Variants in CAPN1 observed in about 807,000 individuals in gnomAD.
CAPN1 encodes the protein calpain-1 catalytic subunit.
A neutral mutation model predicts 105.2 loss-of-function variants in CAPN1; 77 were observed. That is an observed-to-expected ratio of 0.73 (90% CI 0.61 to 0.88). CAPN1 has a LOEUF of 0.88. Ranked by LOEUF, CAPN1 falls within the 40% of genes least tolerant of loss-of-function variation. The probability of loss-of-function intolerance (pLI) is 0.00; values close to 1 mark genes in which losing one functional copy is unlikely to be tolerated. For synonymous variants in CAPN1, 355 were observed against 388.8 expected (o/e 0.91, Z 1.02); for missense variants, 833 against 976.6 (o/e 0.85, Z 1.96).
At position 65,208,418 on chromosome 11, in the gene CAPN1, C is replaced by A; in HGVS notation, c.1729+156C>A. 1.4e-6 allele frequency: 1 copy of A among 707,704 alleles called. No individual in the cohort carries two copies. Among genetic ancestry groups the A allele is most frequent in the Non-Finnish European group, 2.5e-6 (1 of 403,990 alleles). The allele number at this position is 707,704 out of a possible 1,614,324, so 43.8% of individuals were successfully genotyped here. ...GCCCAGTTCCCTGCCATTTCCATCC[C>A]ATACTCCTCCTCCTGACCTGCCATC... is the stretch of plus-strand genomic sequence containing the variant. On this transcript the variant is annotated intron_variant, in intron 16 of 21. Transcript: ENST00000279247. The surrounding 1 kb of genome is among the most constrained non-coding windows in gnomAD (Gnocchi z 4.1).
chr11:65,207,092 C>T (rs547382782), intron 14 of CAPN1, among the ~76,000 whole-genome samples: 1 of 152,310 alleles, frequency 6.6e-6, no homozygotes, highest in East Asian at 1.9e-4. Context: ...CTCCCCACAT[C>T]AACCCTGTCC....
intron 10 of CAPN1, among the ~76,000 whole-genome samples, chr11:65,199,037 G>C (rs1392836345): frequency 6.6e-6 from 1 of 152,150 alleles, no homozygotes; most frequent in Non-Finnish European, 1.5e-5. Flanking sequence ...GTTTCACCAT[G>C]TTGACCAGGC....
intron 6 of CAPN1, among the ~76,000 whole-genome samples, chr11:65,186,641 T>C (rs979209567): frequency 6.6e-6 from 1 of 152,088 alleles, no homozygotes; most frequent in African/African-American, 2.4e-5. Context: ...CTCTGTCCAG[T>C]TCACCAGCCT....
At chr11:65,204,519 G>A (rs1408086123) in intron 10 of CAPN1, among the ~76,000 whole-genome samples, 164 bp from the exon 11 acceptor site, 6 of 152,210 alleles carry the variant, frequency 3.9e-5, no homozygotes, top group African/African-American at 1.4e-4. Context: ...GTGAGGGCAT[G>A]GACCGAGCCT....
chr11:65,206,868 C>G (rs1948969233), intron 14 of CAPN1, 49 bp downstream of exon 14: 7 of 1,563,198 alleles, frequency 4.5e-6, no homozygotes, highest in Non-Finnish European at 6.1e-6. Context: ...TTCCTCACCC[C>G]TGGGTGTGTG....
In CAPN1 at chr11:65,188,148, G is replaced by C; in HGVS notation, c.929+108G>C. ...CAGGCTGGACTCAGGATTGAGCAGAGGGGCCCATCTTCGCGCGACTGGGTC... is the reference window on the plus strand; with the variant it reads ...CAGGCTGGACTCAGGATTGAGCAGACGGGCCCATCTTCGCGCGACTGGGTC... On this transcript the variant is annotated intron_variant, in intron 8 of 21. Transcript: ENST00000279247. This position sits in a 1 kb window ranked among gnomAD's most constrained non-coding sequence, Gnocchi z 5.5. The C allele has an allele frequency of 1.3e-6, 1 of 741,264 alleles. No homozygotes were observed. Among genetic ancestry groups the C allele is most frequent in the Non-Finnish European group, 2.2e-6 (1 of 462,194 alleles). 45.9% of individuals were successfully genotyped at this position (741,264 alleles called of 1,614,324 possible). A position where few individuals can be genotyped will look rare whatever the true frequency, so the allele number is the denominator to read the frequency against.
intron 12 of CAPN1, 41 bp from the exon 13 acceptor site, chr11:65,206,422 A>C (rs1948957927): frequency 6.5e-7 from 1 of 1,531,306 alleles, no homozygotes; most frequent in Non-Finnish European, 9.0e-7. Flanking sequence ...GGGTGGGCTG[A>C]GTGGGCAGCT....
chr11:65,182,659 T>G (rs1948556758), intron 1 of CAPN1, 42 bp from the exon 2 acceptor site: 1 of 1,473,148 alleles, frequency 6.8e-7, no homozygotes, highest in African/African-American at 1.4e-5. Flanking sequence ...GGTTCTAGTC[T>G]TGGGAAGGCC....
In CAPN1 at chr11:65,183,137, T is replaced by C; in HGVS notation, c.277T>C (p.Ser93Pro). The part of the protein sequence containing the change: ...IKWKRPTELL[S>P]NPQFIVDGAT... ...TCTGGGTCTCTCGTAGGAACTGCTG[T>C]CAAACCCCCAGTTCATTGTGGATGG... Residue 93 changes from serine (S) to proline (P), a missense_variant, in exon 3 of 22, where the codon TCA becomes CCA. Physicochemically the swap from Ser to Pro is moderately conservative, Grantham distance 74 (BLOSUM62 -1). Transcript: ENST00000279247. 2 of 1,613,848 alleles carry C rather than the reference T, an allele frequency of 1.2e-6. No homozygotes were observed. The highest frequency in any genetic ancestry group is 2.2e-5 in the South Asian group (2 of 91,082).
intron 10 of CAPN1, among the ~76,000 whole-genome samples, chr11:65,200,978 T>C (rs1948860857): frequency 8.1e-6 from 1 of 124,222 alleles, no homozygotes; most frequent in Non-Finnish European, 1.6e-5. Context: ...GGAGTCTGGC[T>C]CTGTCACCCA....
Position 65,188,933 on chromosome 11 carries a change from G to C in CAPN1, c.1165+187G>C, listed in dbSNP as rs1464110152. On this transcript the variant is annotated intron_variant, in intron 10 of 21. Coordinates refer to ENST00000279247, the MANE Select transcript of CAPN1 (RefSeq NM_005186.4). The surrounding 1 kb of genome is among the most constrained non-coding windows in gnomAD (Gnocchi z 5.5). ...AGGCATGCTTGACTCACCGTCTTGG[G>C]GCCTGAGCCCAGGGTGCTCATGAGG... Among the ~76,000 whole-genome samples, 2 of 152,148 alleles carry C rather than the reference G, an allele frequency of 1.3e-5. No homozygotes were observed. Among genetic ancestry groups the C allele is most frequent in the African/African-American group, 4.8e-5 (2 of 41,414 alleles).
intron 10 of CAPN1, among the ~76,000 whole-genome samples, chr11:65,198,393 G>A (rs1435649898): frequency 6.6e-6 from 1 of 152,018 alleles, no homozygotes; most frequent in East Asian, 1.9e-4. Context: ...CCATCCACCT[G>A]CCTCGGCCTC....
intron 10 of CAPN1, among the ~76,000 whole-genome samples, chr11:65,202,881 C>T (rs1349230865): frequency 2.6e-5 from 4 of 152,128 alleles, no homozygotes; most frequent in Non-Finnish European, 2.9e-5. Flanking sequence ...TACTCCTTAG[C>T]CATGACTCCC....
At chr11:65,200,120 G>C (rs553455121) in intron 10 of CAPN1, among the ~76,000 whole-genome samples, 24 of 152,184 alleles carry the variant, frequency 1.6e-4, no homozygotes, top group Admixed American at 2.6e-4. Flanking sequence ...CATAACCTCA[G>C]CTCACTTCAG....
rs1226636301 is a variant in CAPN1, at chr11:65,210,205, C to T, written c.1942+109C>T. 1.7e-6 allele frequency: 2 copies of T among 1,158,848 alleles called. No homozygotes were observed. Among genetic ancestry groups the T allele is most frequent in the Admixed American group, 3.6e-5 (2 of 55,282 alleles). 71.8% of individuals were successfully genotyped at this position (1,158,848 alleles called of 1,614,324 possible). On this transcript the variant is annotated intron_variant, in intron 19 of 21. Transcript: ENST00000279247. The surrounding 1 kb of genome is among the most constrained non-coding windows in gnomAD (Gnocchi z 4.3). ...GTGCTAGTGGTGACATGGTAACAGC[C>T]ATCTTGTCCTTTTCCCCACGGTTAC...
chr11:65,187,619 G>C, intron 7 of CAPN1: 2 of 474,264 alleles, frequency 4.2e-6, no homozygotes, highest in South Asian at 4.2e-5. Context: ...AGGTGCACTG[G>C]CTCACACCTG....
rs1280275842 is a variant in CAPN1 at position 65,187,257 on chromosome 11, T to C, written c.802T>C (p.Leu268=). ...CATGGAGGCCATCACTTTCAAGAAG[T>C]TGGTGAAGGGCCATGCCTACTCTGT... ...LDMEAITFKK[L]VKGHAYSVTG... The change falls in exon 7 of 22, where the codon TTG becomes CTG. Residue 268 remains leucine, a synonymous_variant. Transcript: ENST00000279247. 5 of 1,613,484 alleles carry C rather than the reference T, an allele frequency of 3.1e-6. No individual in the cohort carries two copies. The highest frequency in any genetic ancestry group is 1.3e-5 in the African/African-American group (1 of 75,038).
Position 65,185,997 on chromosome 11 carries a change from C to G in CAPN1, c.537C>G (p.His179Gln), listed in dbSNP as rs1948627104. 1.2e-6 allele frequency: 2 copies of G among 1,608,508 alleles called. No individual in the cohort carries two copies. The highest frequency in any genetic ancestry group is 8.5e-7 in the Non-Finnish European group (1 of 1,177,574). The change falls in exon 5 of 22, where the codon CAC becomes CAG. Residue 179 changes from histidine to glutamine, a missense_variant. Coordinates refer to ENST00000279247, the MANE Select transcript of CAPN1 (RefSeq NM_005186.4). ...PIKDGKLVFVHSAEGNEFWSA... is the reference protein window; with the variant it reads ...PIKDGKLVFVQSAEGNEFWSA... ...AGGACGGGAAGCTAGTGTTCGTGCA[C>G]TCTGCCGAAGGCAACGAGTTCTGGA...
chr11:65,204,662 C>T, intron 10 of CAPN1, 21 bp from the exon 11 acceptor site: 8 of 1,600,614 alleles, frequency 5.0e-6, no homozygotes, highest in Non-Finnish European at 6.8e-6. Flanking sequence ...CTCTGATCCC[C>T]GCCTCCTCAC....
Sources: gnomAD v4.1 joint callset for allele counts (sites outside exome capture counted in the v4.1 genomes callset) on GRCh38, gnomAD v4.1.1 for gene constraint, Gnocchi (gnomAD v3.1) non-coding constraint, MANE v1.5 for transcripts, NCBI Gene and HGNC (gene_info 2026-07-23, HGNC 2026-07-21) for gene names.